The following GLT1D1 variants were observed in gnomAD, a reference collection of about 807,000 sequenced individuals.
The protein encoded by GLT1D1 is glycosyltransferase 1 domain containing 1.
Under a neutral mutation model 28.7 loss-of-function variants are expected in GLT1D1, and 21 were observed. That is an observed-to-expected ratio of 0.73 (90% CI 0.52 to 1.05). The LOEUF (loss-of-function observed/expected upper bound fraction) is 1.05, where lower values mean the gene tolerates loss of function less well. Among genes scored for constraint, GLT1D1 ranks in the 50% least tolerant of loss-of-function variants. GLT1D1 has a pLI of 0.00. For missense variants in GLT1D1, 343 were observed against 330.6 expected (o/e 1.04, Z -0.29); for synonymous variants, 147 against 124.8 (o/e 1.18, Z -1.19).
rs189660104 is a variant in GLT1D1, at chr12:128,879,709, G to A, written c.217+3647G>A. 5.6e-3 allele frequency among the ~76,000 whole-genome samples: 847 copies of A among 152,134 alleles called. 5 individuals are homozygous for A. Among genetic ancestry groups the A allele is most frequent in the African/African-American group, 0.019 (803 of 41,500 alleles). ...TGGCTTAAAGTTGTTTGCCCGCCTC[G>A]GCCTCCCAAAGTGCTGGGATTACAG... On this transcript the variant is annotated intron_variant, in intron 2 of 7. Transcript: ENST00000281703.
intron 4 of GLT1D1, among the ~76,000 whole-genome samples, chr12:128,910,863 A>T (rs1240470074): frequency 6.6e-6 from 1 of 152,128 alleles, no homozygotes; most frequent in African/African-American, 2.4e-5. Context: ...CCTGTAGTGA[A>T]ATACAAAATG....
chr12:128,924,008 G>A (rs1872924084), intron 4 of GLT1D1, among the ~76,000 whole-genome samples: 4 of 151,966 alleles, frequency 2.6e-5, no homozygotes, highest in Admixed American at 2.0e-4. Context: ...TTGGCCCTGC[G>A]AGGGCTGCTT....
At chr12:128,871,547 A>AAG (rs58485875) in intron 1 of GLT1D1, among the ~76,000 whole-genome samples, 24 of 152,246 alleles carry the variant, frequency 1.6e-4, no homozygotes, top group Non-Finnish European at 3.5e-4. Flanking sequence ...AAGAAACAGA[A>AAG]AGAGAGAGAG....
In GLT1D1 at chr12:128,912,479, T is replaced by A; in HGVS notation, c.375+13192T>A. The A allele has an allele frequency of 7.2e-7, 1 of 1,396,048 alleles. No individual in the cohort carries two copies. The highest frequency in any genetic ancestry group is 9.7e-7 in the Non-Finnish European group (1 of 1,026,612). The allele number at this position is 1,396,048 out of a possible 1,614,324, so 86.5% of individuals were successfully genotyped here. ...AGTCAAGGTAAGATTTTTAAAATAT[T>A]TATTTACTTATGTACAGGGATAGAG... On this transcript the variant is annotated intron_variant, in intron 4 of 7. Coordinates refer to ENST00000281703, the MANE Select transcript of GLT1D1 (RefSeq NM_144669.3).
chr12:128,864,022 G>A (rs1226895647), intron 1 of GLT1D1: 7 of 459,516 alleles, frequency 1.5e-5, no homozygotes, highest in African/African-American at 1.2e-4. Flanking sequence ...GTGGCAGCGG[G>A]GAGAGAAGAG....
intron 7 of GLT1D1, among the ~76,000 whole-genome samples, chr12:128,961,898 C>G (rs7309257): frequency 0.28 from 41,632 of 150,564 alleles, 5,849 homozygotes; most frequent in Non-Finnish European, 0.31. Flanking sequence ...AGAAATGTGA[C>G]CTTTTTTTTT....
chr12:128,920,545 A>C (rs1267063457), intron 4 of GLT1D1, among the ~76,000 whole-genome samples: 2 of 152,068 alleles, frequency 1.3e-5, no homozygotes, highest in African/African-American at 4.8e-5. Flanking sequence ...CAAGAGTGAA[A>C]CTTTGTCTCA....
chr12:128,914,786 C>T (rs188366470), intron 4 of GLT1D1, 147 bp from the exon 6 acceptor site: 2 of 618,908 alleles, frequency 3.2e-6, no homozygotes, highest in South Asian at 2.2e-5. Context: ...TGGCACTGCA[C>T]TGCAGCCTGG....
At chr12:128,905,329 C>T (rs1242839978) in intron 4 of GLT1D1, among the ~76,000 whole-genome samples, 3 of 152,224 alleles carry the variant, frequency 2.0e-5, no homozygotes, top group Admixed American at 1.3e-4. Context: ...GGATCAGCCA[C>T]GTGGCCACGT....
intron 4 of GLT1D1, among the ~76,000 whole-genome samples, chr12:128,939,516 G>A (rs1335836217): frequency 2.6e-5 from 4 of 152,068 alleles, no homozygotes; most frequent in African/African-American, 9.7e-5. Flanking sequence ...GAGCCCAGGA[G>A]TTCGAGACCA....
chr12:128,888,032 C>T (rs756815342), intron 2 of GLT1D1, among the ~76,000 whole-genome samples: 6 of 152,214 alleles, frequency 3.9e-5, no homozygotes, highest in East Asian at 3.8e-4. Context: ...GCCTCCCATC[C>T]GCACAGGACG....
At chr12:128,957,255 A>G (rs1877399501) in intron 6 of GLT1D1, among the ~76,000 whole-genome samples, 1 of 152,248 alleles carries the variant, frequency 6.6e-6, no homozygotes, top group Admixed American at 6.5e-5. Flanking sequence ...GAGGTGTCAA[A>G]TGAGCATTCA....
chr12:128,927,363 C>T (rs983522068), intron 4 of GLT1D1, among the ~76,000 whole-genome samples: 36 of 152,136 alleles, frequency 2.4e-4, no homozygotes, highest in Admixed American at 9.2e-4. Context: ...CTCAGCCTCC[C>T]GAATAGCTGG....
intron 1 of GLT1D1, among the ~76,000 whole-genome samples, chr12:128,867,704 T>A (rs1048213783): frequency 6.6e-6 from 1 of 152,132 alleles, no homozygotes; most frequent in Non-Finnish European, 1.5e-5. Context: ...AGGGCTGGCG[T>A]TGTTCCAGAT....
intron 1 of GLT1D1, chr12:128,864,178 CTG>C (rs1956457848): frequency 1.5e-6 from 1 of 683,714 alleles, no homozygotes; most frequent in Admixed American, 2.1e-5. Flanking sequence ...AGACGACACA[CTG>C]TAAGTTTTTG....
At chr12:128,867,419 G>GAAAAA (rs1318656397) in intron 1 of GLT1D1, among the ~76,000 whole-genome samples, 13,911 of 111,472 alleles carry the variant, frequency 0.12, 940 homozygotes, top group South Asian at 0.24. Context: ...AAAAAAAACA[G>GAAAAA]AAAAAAAAAA....
At chr12:128,908,331 TTTC>T (rs956981645) in intron 4 of GLT1D1, among the ~76,000 whole-genome samples, 2 of 142,412 alleles carry the variant, frequency 1.4e-5, no homozygotes, top group African/African-American at 5.4e-5. Context: ...TCCTTCTTTC[TTTC>T]TTTCTTTCTT....
chr12:128,893,122 G>C (rs181282519), intron 3 of GLT1D1, among the ~76,000 whole-genome samples: 1 of 152,126 alleles, frequency 6.6e-6, no homozygotes, highest in Non-Finnish European at 1.5e-5. Flanking sequence ...ACACATGCCT[G>C]TAATCCCAGC....
At chr12:128,926,501 G>C (rs1447178445) in intron 4 of GLT1D1, 47 bp downstream of exon 7, 10 of 1,000,972 alleles carry the variant, frequency 1.0e-5, no homozygotes, top group Non-Finnish European at 1.5e-5. Context: ...AATTCCTTGT[G>C]GGCGCCCATC....
Sources: gnomAD v4.1 joint callset for allele counts (sites outside exome capture counted in the v4.1 genomes callset) on GRCh38, gnomAD v4.1.1 for gene constraint, MANE v1.5 for transcripts, NCBI Gene and HGNC (gene_info 2026-07-23, HGNC 2026-07-21) for gene names.